Variants in LRBA observed in about 807,000 individuals in gnomAD.
LRBA encodes LPS responsive beige-like anchor protein, also known as lipopolysaccharide-responsive and beige-like anchor protein.
In LRBA, 176 loss-of-function variants were observed where a neutral mutation model predicts 330.0. That is an observed-to-expected ratio of 0.53 (90% confidence interval 0.47 to 0.60). The LOEUF (loss-of-function observed/expected upper bound fraction) is 0.60, where lower values mean the gene tolerates loss of function less well. LRBA is among the 20% of genes least tolerant of loss of function. LRBA has a pLI of 0.00. For missense variants in LRBA, 3,259 were observed against 3,444.8 expected, an observed-to-expected ratio of 0.95 and a Z score of 1.35; for synonymous variants, 1,230 against 1,193.0, an observed-to-expected ratio of 1.03 and a Z score of -0.64.
intron 2 of LRBA, among the ~76,000 whole-genome samples, chr4:151,006,781 G>A (rs537172418): frequency 6.6e-6 from 1 of 152,082 alleles, no homozygotes. Flanking sequence ...ATGCTTGCAG[G>A]AACCTAAATT....
chr4:150,494,793 G>A (rs779990275), intron 40 of LRBA, among the ~76,000 whole-genome samples: 32 of 151,920 alleles, frequency 2.1e-4, no homozygotes, highest in Non-Finnish European at 4.0e-4. Context: ...CAGGAGATGG[G>A]GACCATCCTA....
At position 150,350,128 on chromosome 4, in the gene LRBA, A is replaced by G. The variant is rs908641863; in HGVS notation, c.7226T>C (p.Leu2409Pro). The G allele has an allele frequency of 6.3e-7, 1 of 1,594,860 alleles. No individual in the cohort carries two copies. Among genetic ancestry groups the G allele is most frequent in the Non-Finnish European group, 8.5e-7 (1 of 1,173,046 alleles). Residue 2409 changes from leucine to proline, a missense_variant, in exon 48 of 57, where the codon CTT (leucine) becomes CCT (proline). Transcript: ENST00000651943. The part of the protein sequence containing the change: ...ALESEFVSCQ[L>P]HQWIDLIFGY... ...AAAAATGAGATCAATCCATTGGTGA[A>G]GCTGGCAGGAAACAAATTCACTCTC...
At chr4:150,639,360 T>A (rs961054038) in intron 37 of LRBA, among the ~76,000 whole-genome samples, 1,146 of 106,366 alleles carry the variant, frequency 0.011, no homozygotes, top group Middle Eastern at 0.024. Flanking sequence ...TAAAGTATAA[T>A]AAAAAAAAAA....
intron 2 of LRBA, among the ~76,000 whole-genome samples, chr4:151,000,199 A>C (rs540416918): frequency 2.0e-5 from 3 of 152,302 alleles, no homozygotes; most frequent in African/African-American, 7.2e-5. Flanking sequence ...ATCCCAATAA[A>C]CTCATTGTAA....
rs145819521 is a variant in LRBA, at chr4:150,718,463, C to CA, written c.5754+16794dup. On this transcript the variant is annotated intron_variant, in intron 36 of 56. Transcript: ENST00000651943. ...ATAACCTCTAAGATATAAGCTGTCT[C>CA]AAAAAAAAAATGCCTCATCCTGCAG... Among the ~76,000 whole-genome samples, 308 of 147,468 alleles carry CA rather than the reference C, an allele frequency of 2.1e-3. 1 individual carries two copies. The highest frequency in any genetic ancestry group is 3.8e-3 in the Admixed American group (56 of 14,822).
chr4:150,579,368 G>T (rs1355532486), intron 40 of LRBA: 1 of 454,654 alleles, frequency 2.2e-6, no homozygotes, highest in South Asian at 1.6e-5. Context: ...GAGTTGGGGT[G>T]GGGGAGGGGG....
In LRBA at chr4:150,669,136, G is replaced by C. The variant is rs184668614; in HGVS notation, c.5921+14415C>G. On this transcript the variant is annotated intron_variant, in intron 37 of 56. Coordinates refer to ENST00000651943, the MANE Select transcript of LRBA (RefSeq NM_001364905.1). The stretch of plus-strand genomic sequence containing the variant: ...TTTATAAAATCTGTGAAAAGTGAGA[G>C]TAACTGAAAACTCTAAGAACTGAGA... 2.0e-5 allele frequency among the ~76,000 whole-genome samples: 3 copies of C among 152,148 alleles called. No homozygotes were observed. The East Asian group carries it at 5.8e-4, about 29-fold the overall frequency.
Position 150,897,769 on chromosome 4 carries a change from C to A in LRBA, c.1974G>T (p.Leu658Phe), listed in dbSNP as rs971089667. 1 of 1,612,354 alleles carries A rather than the reference C, an allele frequency of 6.2e-7. No homozygotes were observed. Among genetic ancestry groups the A allele is most frequent in the Non-Finnish European group, 8.5e-7 (1 of 1,178,846 alleles). ...QKEMLSLRAF[L>F]LMFIKQLVMK... ...TCACTAATTGCTTAATGAACATCAA[C>A]AAGAATGCTCGTAGAGAAAGCATTT... Residue 658 changes from leucine (L) to phenylalanine (F), a missense_variant, in exon 15 of 57, where the codon TTG becomes TTT. Coordinates refer to ENST00000651943, the MANE Select transcript of LRBA (RefSeq NM_001364905.1).
intron 40 of LRBA, among the ~76,000 whole-genome samples, chr4:150,571,662 T>TC (rs925403882): frequency 6.8e-6 from 1 of 146,816 alleles, no homozygotes; most frequent in Non-Finnish European, 1.5e-5. Flanking sequence ...TTTTTTTTTT[T>TC]TTTTTTTTTT....
At chr4:150,670,539 G>T (rs1243584311) in intron 37 of LRBA, among the ~76,000 whole-genome samples, 1 of 152,144 alleles carries the variant, frequency 6.6e-6, no homozygotes, top group Non-Finnish European at 1.5e-5. Flanking sequence ...TATCCAAAAA[G>T]ATCTAGTTTT....
chr4:150,762,319 G>A (rs1735201791), intron 34 of LRBA, among the ~76,000 whole-genome samples: 1 of 151,836 alleles, frequency 6.6e-6, no homozygotes, highest in South Asian at 2.1e-4. Flanking sequence ...AGAAAAATCA[G>A]TGAATTGAGC....
At chr4:150,523,106 T>A (rs78840118) in intron 40 of LRBA, among the ~76,000 whole-genome samples, 1 of 152,242 alleles carries the variant, frequency 6.6e-6, no homozygotes, top group African/African-American at 2.4e-5. Flanking sequence ...ATCTACATGA[T>A]ATTCTGGACG....
Position 150,887,922 on chromosome 4 carries a change from T to A in LRBA, c.2165+5130A>T, listed in dbSNP as rs1729117390. Among the ~76,000 whole-genome samples, 5 of 152,126 alleles carry A rather than the reference T, an allele frequency of 3.3e-5. No individual in the cohort carries two copies. The South Asian group carries it at 8.3e-4, about 25-fold the overall frequency. On this transcript the variant is annotated intron_variant, in intron 17 of 56. Coordinates refer to ENST00000651943, the MANE Select transcript of LRBA (RefSeq NM_001364905.1). ...CTGTAGTCCCAGCTACTGAGGAGAC[T>A]GAGGCAAGAGAACTGCTTAAGCCCA...
intron 40 of LRBA, among the ~76,000 whole-genome samples, chr4:150,515,079 A>G (rs555480122): frequency 6.6e-6 from 1 of 152,228 alleles, no homozygotes; most frequent in Non-Finnish European, 1.5e-5. Context: ...TGAAAACTTA[A>G]AAAGAGATAA....
chr4:150,775,847 G>C (rs992805486), intron 34 of LRBA, among the ~76,000 whole-genome samples: 1 of 148,058 alleles, frequency 6.8e-6, no homozygotes, highest in Non-Finnish European at 1.5e-5. Flanking sequence ...GCAAGAGAGG[G>C]GAGAGGAAGG....
chr4:150,432,653 G>A (rs1750590680), intron 46 of LRBA, among the ~76,000 whole-genome samples: 1 of 151,604 alleles, frequency 6.6e-6, no homozygotes, highest in East Asian at 1.9e-4. Flanking sequence ...CACCGTGTTA[G>A]TCAGGATGGT....
At chr4:150,964,436 G>A (rs927090216) in intron 2 of LRBA, among the ~76,000 whole-genome samples, 3 of 149,558 alleles carry the variant, frequency 2.0e-5, no homozygotes, top group South Asian at 4.1e-4. Flanking sequence ...GTGTCTGTGT[G>A]GAAAGAAGTA....
Position 150,893,063 on chromosome 4 carries a change from C to A in LRBA, c.2154G>T (p.Arg718Ser). 1 of 1,607,460 alleles carries A rather than the reference C, an allele frequency of 6.2e-7. No homozygotes were observed. Among genetic ancestry groups the A allele is most frequent in the Non-Finnish European group, 8.5e-7 (1 of 1,175,570 alleles). ...TTAAAAACTCTTACCGTAACCCATTCCTTTGGTCAAAAGCAGGAATCATAG... is the reference window on the plus strand; with the variant it reads ...TTAAAAACTCTTACCGTAACCCATTACTTTGGTCAAAAGCAGGAATCATAG... Reference protein sequence around the residue: ...PNSMIPAFDQRNGLRVIYKLL... With the variant: ...PNSMIPAFDQSNGLRVIYKLL... The change falls in exon 17 of 57, where the codon AGG becomes AGT. Residue 718 changes from arginine to serine, a missense_variant. Arg to Ser is a moderately radical substitution (Grantham distance 110). Coordinates refer to ENST00000651943, the MANE Select transcript of LRBA (RefSeq NM_001364905.1).
intron 36 of LRBA, among the ~76,000 whole-genome samples, chr4:150,708,743 C>G (rs983429404): frequency 2.0e-5 from 3 of 151,564 alleles, no homozygotes; most frequent in Non-Finnish European, 4.4e-5. Flanking sequence ...CATTTCTTAT[C>G]GGTATTTTAA....
Sources: gnomAD v4.1 joint callset for allele counts (sites outside exome capture counted in the v4.1 genomes callset) on GRCh38, gnomAD v4.1.1 for gene constraint, MANE v1.5 for transcripts, NCBI Gene and HGNC (gene_info 2026-07-23, HGNC 2026-07-21) for gene names.